The following ASMTL variants were observed in gnomAD, a reference collection of about 807,000 sequenced individuals.
ASMTL encodes acetylserotonin O-methyltransferase like.
A neutral mutation model predicts 60.3 loss-of-function variants in ASMTL; 57 were observed. The ratio of observed to expected loss-of-function variants is 0.95; its 90% CI spans 0.76 to 1.18. ASMTL has a LOEUF of 1.18. Ranked by LOEUF, ASMTL falls within the 50% of genes most tolerant of loss-of-function variation. The pLI is 0.00. For missense variants in ASMTL, 981 were observed against 852.6 expected, an observed-to-expected ratio of 1.15 and a Z score of -1.88; for synonymous variants, 419 against 373.0, an observed-to-expected ratio of 1.12 and a Z score of -1.42.
intron 5 of ASMTL, among the ~76,000 whole-genome samples, chrX:1,433,088 ACT>A (rs1436369447): frequency 6.6e-6 from 1 of 152,026 alleles, no homozygotes; most frequent in East Asian, 1.9e-4. Context: ...ACAGAGCGAG[ACT>A]CTGTCTCAAA....
chrX:1,417,113 C>A (rs1375199169), intron 11 of ASMTL, among the ~76,000 whole-genome samples: 4 of 149,622 alleles, frequency 2.7e-5, no homozygotes, highest in African/African-American at 9.8e-5. Flanking sequence ...ACAAGCACAC[C>A]CAGACACATG....
intron 1 of ASMTL, among the ~76,000 whole-genome samples, chrX:1,449,858 GTAACTACCCCCATCACCAA>G (rs2091317313): frequency 7.5e-6 from 1 of 134,042 alleles, no homozygotes; most frequent in East Asian, 2.3e-4. Flanking sequence ...CACATCACCA[GTAACTACCCCCATCACCAA>G]TAACTATGCC....
chrX:1,423,579 C>G (rs1201740007), intron 8 of ASMTL, among the ~76,000 whole-genome samples: 1 of 151,166 alleles, frequency 6.6e-6, no homozygotes, highest in Non-Finnish European at 1.5e-5. Flanking sequence ...CAGTTATCCA[C>G]TCACCCACCC....
chrX:1,431,099 ATATAAT>A (rs1324850959), intron 6 of ASMTL, among the ~76,000 whole-genome samples: 1 of 128,802 alleles, frequency 7.8e-6, no homozygotes, highest in Non-Finnish European at 1.5e-5. Context: ...TTATATAAAT[ATATAAT>A]TATATTTTAT....
At chrX:1,452,392 G>A (rs1347393328) in intron 1 of ASMTL, among the ~76,000 whole-genome samples, 1 of 146,810 alleles carries the variant, frequency 6.8e-6, no homozygotes, top group East Asian at 2.1e-4. Flanking sequence ...CCCATCCATG[G>A]GGCTCCGGGG....
intron 5 of ASMTL, 142 bp downstream of exon 5, chrX:1,434,880 T>C: frequency 1.2e-6 from 1 of 802,378 alleles, no homozygotes; most frequent in Non-Finnish European, 2.1e-6. Flanking sequence ...GGCGGACAAC[T>C]TTCCCAAGCA....
chrX:1,451,884 C>G (rs1315027853), intron 1 of ASMTL, among the ~76,000 whole-genome samples: 11 of 136,540 alleles, frequency 8.1e-5, no homozygotes, highest in Admixed American at 6.5e-4. Context: ...GTCCCCATCC[C>G]TAGCGGTCCT....
chrX:1,452,903 G>A lies in ASMTL; in HGVS notation c.-63C>T, dbSNP rs1442722863. 2 of 1,322,370 alleles carry A rather than the reference G, an allele frequency of 1.5e-6. No homozygotes were observed. Among genetic ancestry groups the A allele is most frequent in the Admixed American group, 2.7e-5 (1 of 36,502 alleles). The allele number at this position is 1,322,370 out of a possible 1,614,324, so 81.9% of individuals were successfully genotyped here. ...GCCCGGAGCCCGCGGTGCGCGCAGC[G>A]CGGCTGCAAAAAAAACAGGCGGCCA... is the stretch of plus-strand genomic sequence containing the variant. On this transcript the variant is annotated 5_prime_UTR_variant, in exon 1 of 13. Transcript: ENST00000381317.
At chrX:1,442,779 G>T (rs1266080269) in intron 1 of ASMTL, among the ~76,000 whole-genome samples, 1 of 152,154 alleles carries the variant, frequency 6.6e-6, no homozygotes, top group South Asian at 2.1e-4. Flanking sequence ...GACAATGATG[G>T]CTCTACGTCA....
At chrX:1,448,098 G>A (rs1203727260) in intron 1 of ASMTL, among the ~76,000 whole-genome samples, 1 of 147,910 alleles carries the variant, frequency 6.8e-6, no homozygotes, top group Non-Finnish European at 1.5e-5. Flanking sequence ...CAGCCATCTT[G>A]GATAAGCACC....
chrX:1,444,789 T>C (rs1388522876), intron 1 of ASMTL, among the ~76,000 whole-genome samples: 1 of 152,134 alleles, frequency 6.6e-6, no homozygotes, highest in Non-Finnish European at 1.5e-5. Context: ...TGAGGGTCTC[T>C]GGCCACCCCT....
intron 11 of ASMTL, 57 bp from the exon 12 acceptor site, chrX:1,412,911 C>G: frequency 6.2e-7 from 1 of 1,600,454 alleles, no homozygotes. Flanking sequence ...CAGTCCTCCC[C>G]GGACAGATCC....
intron 11 of ASMTL, among the ~76,000 whole-genome samples, chrX:1,415,260 TG>T (rs1315955834): frequency 1.3e-5 from 1 of 78,224 alleles, no homozygotes; most frequent in Non-Finnish European, 2.9e-5. Flanking sequence ...AGCTGCCACC[TG>T]GAAGTTCTCC....
At chrX:1,407,487 A>G (rs1380307212) in intron 12 of ASMTL, among the ~76,000 whole-genome samples, 1 of 151,668 alleles carries the variant, frequency 6.6e-6, no homozygotes. Context: ...AGATGGATGC[A>G]TGGATGAGAT....
rs755427687 is a variant in ASMTL, at chrX:1,419,454, C to T, written c.1246-340G>A. ...CTCCGGGTGGCCCACAAACACCTCA[C>T]TGGAGAAAACCAGGAGAGAAGCCAC... is the stretch of plus-strand genomic sequence containing the variant. On this transcript the variant is annotated intron_variant, in intron 9 of 12. Transcript: ENST00000381317. Among the ~76,000 whole-genome samples, 384 of 152,306 alleles carry T rather than the reference C, an allele frequency of 2.5e-3. 2 individuals carry two copies. The highest frequency in any genetic ancestry group is 8.2e-3 in the African/African-American group (341 of 41,568).
chrX:1,452,256 C>T (rs147588056), intron 1 of ASMTL, among the ~76,000 whole-genome samples: 2,864 of 145,116 alleles, frequency 0.02, 117 homozygotes, highest in African/African-American at 0.07. Context: ...CCTAGGGGTC[C>T]CGGGTTACTC....
intron 11 of ASMTL, among the ~76,000 whole-genome samples, chrX:1,416,835 A>C (rs1324377201): frequency 1.3e-5 from 2 of 151,602 alleles, no homozygotes; most frequent in African/African-American, 4.9e-5. Flanking sequence ...ACAGATGGGC[A>C]CACAGACATG....
At chrX:1,413,137 C>T in intron 11 of ASMTL, 6 of 436,324 alleles carry the variant, frequency 1.4e-5, no homozygotes, top group South Asian at 6.6e-5. Flanking sequence ...CTGAGGTGGG[C>T]AGATTGTCTG....
At chrX:1,423,841 C>T (rs1218856521) in intron 8 of ASMTL, among the ~76,000 whole-genome samples, 1 of 151,294 alleles carries the variant, frequency 6.6e-6, no homozygotes, top group African/African-American at 2.4e-5. Flanking sequence ...TCCACTCATC[C>T]ATCCATTCAC....
Sources: gnomAD v4.1 joint callset for allele counts (sites outside exome capture counted in the v4.1 genomes callset) on GRCh38, gnomAD v4.1.1 for gene constraint, MANE v1.5 for transcripts, NCBI Gene and HGNC (gene_info 2026-07-23, HGNC 2026-07-21) for gene names.